Variants in ZNF486 observed in about 807,000 individuals in gnomAD.
ZNF486 encodes the protein zinc finger protein 486.
A neutral mutation model predicts 12.8 loss-of-function variants in ZNF486; 12 were observed. The ratio of observed to expected loss-of-function variants is 0.94; its 90% CI spans 0.60 to 1.52. The LOEUF (loss-of-function observed/expected upper bound fraction) is 1.52, where lower values mean the gene tolerates loss of function less well. ZNF486 is among the 40% of genes most tolerant of loss of function. The probability of loss-of-function intolerance (pLI) is 0.00; values close to 1 mark genes in which losing one functional copy is unlikely to be tolerated. For synonymous variants in ZNF486, 231 were observed against 184.9 expected, an observed-to-expected ratio of 1.25 and a Z score of -2.02; for missense variants, 738 against 545.0, an observed-to-expected ratio of 1.35 and a Z score of -3.53.
chr19:20,197,477 A>G lies in ZNF486; in HGVS notation c.767A>G (p.His256Arg), dbSNP rs782619251. 4.0e-5 allele frequency: 64 copies of G among 1,609,216 alleles called. No homozygotes were observed. Among genetic ancestry groups the G allele is most frequent in the Non-Finnish European group, 4.8e-5 (56 of 1,177,276 alleles). The change falls in exon 4 of 4, where the codon CAT (histidine) becomes CGT (arginine). Residue 256 changes from histidine (H) to arginine (R), a missense_variant. By Grantham distance (29) the His-to-Arg change is conservative. Coordinates refer to ENST00000335117, the MANE Select transcript of ZNF486 (RefSeq NM_052852.4). ...VFKYFSSFTT[H>R]KKIHSGEKPY... ...AAGTACTTCTCTAGCTTTACTACAC[A>G]TAAGAAAATTCATAGTGGAGAGAAA...
At chr19:20,179,082 A>C (rs2089755551) in intron 1 of ZNF486, among the ~76,000 whole-genome samples, 1 of 152,224 alleles carries the variant, frequency 6.6e-6, no homozygotes. Context: ...TAAATAAAGC[A>C]GGTTCTTTTG....
chr19:20,169,131 T>C (rs539518396), intron 1 of ZNF486, among the ~76,000 whole-genome samples: 1 of 152,192 alleles, frequency 6.6e-6, no homozygotes, highest in East Asian at 1.9e-4. Context: ...TTTTTTATTT[T>C]GACATGGAGT....
intron 3 of ZNF486, among the ~76,000 whole-genome samples, chr19:20,191,063 T>A (rs995325790): frequency 2.1e-4 from 32 of 152,212 alleles, no homozygotes; most frequent in Non-Finnish European, 3.8e-4. Flanking sequence ...GTCCAATTAC[T>A]CTTTACCTTC....
chr19:20,197,132 G>T lies in ZNF486; in HGVS notation c.422G>T (p.Gly141Val), dbSNP rs373309565. 66 of 1,613,716 alleles carry T rather than the reference G, an allele frequency of 4.1e-5. 1 individual carries two copies. The highest frequency in any genetic ancestry group is 5.3e-5 in the Non-Finnish European group (63 of 1,179,972). ...ECKLHKRGYN[G>V]LNQCLTTTQS... is the part of the protein sequence containing the mutation. ...AAGTTACACAAAAGAGGTTATAATG[G>T]ACTTAACCAATGTTTGACAACTACC... The change falls in exon 4 of 4, where the codon GGA becomes GTA. Residue 141 changes from glycine (G) to valine (V), a missense_variant. Coordinates refer to ENST00000335117, the MANE Select transcript of ZNF486 (RefSeq NM_052852.4).
At chr19:20,189,165 C>A (rs1196876501) in intron 3 of ZNF486, among the ~76,000 whole-genome samples, 2 of 152,054 alleles carry the variant, frequency 1.3e-5, no homozygotes, top group Non-Finnish European at 2.9e-5. Context: ...ACCTCTGCCT[C>A]CTGGGTTCAA....
intron 1 of ZNF486, among the ~76,000 whole-genome samples, chr19:20,181,997 G>A (rs999882942): frequency 1.3e-5 from 2 of 152,164 alleles, no homozygotes; most frequent in African/African-American, 4.8e-5. Flanking sequence ...TTGTGTACAT[G>A]TTGTTTTTTA....
rs782601522 is a variant in ZNF486 at position 20,197,509 on chromosome 19, A to G, written c.799A>G (p.Ile267Val). 8.7e-6 allele frequency: 14 copies of G among 1,609,556 alleles called. No individual in the cohort carries two copies. The highest frequency in any genetic ancestry group is 3.4e-5 in the Admixed American group (2 of 59,694). Residue 267 changes from isoleucine to valine, a missense_variant, in exon 4 of 4, where the codon ATT (isoleucine) becomes GTT (valine). By Grantham distance (29) the Ile-to-Val change is conservative. Coordinates refer to ENST00000335117, the MANE Select transcript of ZNF486 (RefSeq NM_052852.4). Reference sequence around the variant, plus strand: ...AATTCATAGTGGAGAGAAACCCTACATTTGTGAAGAATGTGGCAAAGCCTT... The same window carrying G: ...AATTCATAGTGGAGAGAAACCCTACGTTTGTGAAGAATGTGGCAAAGCCTT... ...KKIHSGEKPY[I>V]CEECGKAFMY...
In ZNF486 at chr19:20,197,765, G is replaced by A; in HGVS notation, c.1055G>A (p.Cys352Tyr). The A allele has an allele frequency of 6.2e-7, 1 of 1,613,826 alleles. No individual in the cohort carries two copies. Among genetic ancestry groups the A allele is most frequent in the Non-Finnish European group, 8.5e-7 (1 of 1,179,924 alleles). ...CATACGGGAGAGAAACCCTACAAATGTGAAGAATGTGGCAAAGCCTTCACC... is the reference window on the plus strand; with the variant it reads ...CATACGGGAGAGAAACCCTACAAATATGAAGAATGTGGCAAAGCCTTCACC... The part of the protein sequence containing the change: ...KIHTGEKPYK[C>Y]EECGKAFTRS... The change falls in exon 4 of 4, where the codon TGT (cysteine) becomes TAT (tyrosine). Residue 352 changes from cysteine (C) to tyrosine (Y), a missense_variant. Transcript: ENST00000335117.
At chr19:20,187,500 G>GTT (rs57208523) in intron 3 of ZNF486, among the ~76,000 whole-genome samples, 6,489 of 119,550 alleles carry the variant, frequency 0.054, 382 homozygotes, top group African/African-American at 0.12. Flanking sequence ...ACCTCTTCAA[G>GTT]TTTTTTTTTT....
chr19:20,184,552 T>C, intron 2 of ZNF486, 70 bp downstream of exon 2: 1 of 1,488,666 alleles, frequency 6.7e-7, no homozygotes, highest in South Asian at 1.3e-5. Flanking sequence ...TGCAGAATGA[T>C]TTTAGTAATT....
chr19:20,168,546 C>CTT, intron 1 of ZNF486, among the ~76,000 whole-genome samples: 1 of 150,044 alleles, frequency 6.7e-6, no homozygotes, highest in Non-Finnish European at 1.5e-5. Flanking sequence ...CCCAGCTACT[C>CTT]GGGAGGCTGA....
At position 20,186,199 on chromosome 19, in the gene ZNF486, C is replaced by G. The variant is rs532338931; in HGVS notation, c.253+117C>G. The G allele has an allele frequency of 1.8e-5, 11 of 595,556 alleles. No homozygotes were observed. The South Asian group carries it at 4.1e-4, about 22-fold the overall frequency. 36.9% of individuals were successfully genotyped at this position (595,556 alleles called of 1,614,324 possible). A position where few individuals can be genotyped will look rare whatever the true frequency, so the allele number is the denominator to read the frequency against. On this transcript the variant is annotated intron_variant, in intron 3 of 3. Coordinates refer to ENST00000335117, the MANE Select transcript of ZNF486 (RefSeq NM_052852.4). ...AGCTGTGTTCCAAAGGAAATAGTTC[C>G]TGGGCAGCTGTTTTATTTATTTATT...
rs781822866 is a variant in ZNF486, at chr19:20,196,962, A to G, written c.254-2A>G. On this transcript the variant is annotated splice_acceptor_variant, in intron 3 of 3. Coordinates refer to ENST00000335117, the MANE Select transcript of ZNF486 (RefSeq NM_052852.4). LOFTEE classifies it high-confidence loss of function. ...GTAATGTGTTTTTATTGTTTCTTTC[A>G]GTTGTGTGTTCTCATTTTGCCCAAG... 8 of 1,536,646 alleles carry G rather than the reference A, an allele frequency of 5.2e-6. No homozygotes were observed. In the East Asian group the frequency reaches 1.8e-4, roughly 35 times the overall value.
At chr19:20,180,817 C>G (rs1190311694) in intron 1 of ZNF486, among the ~76,000 whole-genome samples, 1 of 152,142 alleles carries the variant, frequency 6.6e-6, no homozygotes, top group African/African-American at 2.4e-5. Context: ...AGGCAGTGCA[C>G]CCAGCTGTAT....
intron 2 of ZNF486, 93 bp from the exon 3 acceptor site, chr19:20,185,894 A>T: frequency 1.5e-6 from 1 of 677,096 alleles, no homozygotes; most frequent in Non-Finnish European, 2.2e-6. Flanking sequence ...AATTTACTAG[A>T]ATATTTTATT....
chr19:20,184,234 T>C (rs1309765055), intron 1 of ZNF486, 122 bp from the exon 2 acceptor site: 6 of 1,416,624 alleles, frequency 4.2e-6, no homozygotes, highest in South Asian at 1.3e-5. Flanking sequence ...AATTATTTTA[T>C]TGGATAATTT....
At chr19:20,172,672 T>C (rs1470550089) in intron 1 of ZNF486, among the ~76,000 whole-genome samples, 14 of 134,896 alleles carry the variant, frequency 1.0e-4, no homozygotes, top group Admixed American at 2.8e-4. Flanking sequence ...TTTTGTGAGA[T>C]GGAGTCGCTT....
chr19:20,195,169 A>G (rs1599717714), intron 3 of ZNF486, among the ~76,000 whole-genome samples: 2 of 152,104 alleles, frequency 1.3e-5, no homozygotes, highest in East Asian at 3.9e-4. Flanking sequence ...ACTGCACCCA[A>G]CCTTTTTAAT....
intron 3 of ZNF486, among the ~76,000 whole-genome samples, chr19:20,191,660 C>G (rs1245136974): frequency 6.6e-6 from 1 of 151,348 alleles, no homozygotes; most frequent in African/African-American, 2.4e-5. Context: ...GTCCCAGCTA[C>G]TCGGGAGGCT....
Sources: gnomAD v4.1 joint callset for allele counts (sites outside exome capture counted in the v4.1 genomes callset) on GRCh38, gnomAD v4.1.1 for gene constraint, MANE v1.5 for transcripts, NCBI Gene and HGNC (gene_info 2026-07-23, HGNC 2026-07-21) for gene names.